PATL2: variants seen among roughly 807,000 people sequenced by gnomAD.
PATL2 encodes PAT1 homolog 2.
A neutral mutation model predicts 77.0 loss-of-function variants in PATL2; 73 were observed. That is an observed-to-expected ratio of 0.95 (90% CI 0.78 to 1.15). The LOEUF is 1.15. Among genes scored for constraint, PATL2 ranks in the 50% most tolerant of loss-of-function variants. The pLI, the probability that PATL2 is intolerant of heterozygous loss-of-function variation, is 0.00. For synonymous variants in PATL2, 265 were observed against 257.1 expected, an observed-to-expected ratio of 1.03 and a Z score of -0.29; for missense variants, 618 against 655.4, an observed-to-expected ratio of 0.94 and a Z score of 0.62.
At chr15:44,677,292 G>A (rs1481533736) in intron 3 of PATL2, among the ~76,000 whole-genome samples, 1 of 152,124 alleles carries the variant, frequency 6.6e-6, no homozygotes, top group Admixed American at 6.5e-5. Context: ...GCGCTTCAGG[G>A]CAGCGTACTT....
At chr15:44,667,357 G>A (rs2085428883) in intron 15 of PATL2, 154 bp from the exon 16 acceptor site, 1 of 619,378 alleles carries the variant, frequency 1.6e-6, no homozygotes, top group Non-Finnish European at 2.9e-6. Context: ...ACACTGGTGA[G>A]CCAAAGAACT....
At chr15:44,666,837 G>A (rs1342132142) in intron 16 of PATL2, 4 of 519,510 alleles carry the variant, frequency 7.7e-6, no homozygotes, top group Non-Finnish European at 1.4e-5. Flanking sequence ...AAGTTATATT[G>A]CTAGTAAGTG....
intron 3 of PATL2, among the ~76,000 whole-genome samples, chr15:44,692,289 A>G (rs1261627895): frequency 2.0e-5 from 3 of 152,094 alleles, no homozygotes; most frequent in East Asian, 1.9e-4. Context: ...ATCCTTACCT[A>G]TTGTCTGAAG....
At chr15:44,700,027 C>A (rs1451310173) in intron 3 of PATL2, among the ~76,000 whole-genome samples, 1 of 151,932 alleles carries the variant, frequency 6.6e-6, no homozygotes, top group East Asian at 1.9e-4. Context: ...TTTTCCATTT[C>A]TGTGAAGAAT....
intron 3 of PATL2, among the ~76,000 whole-genome samples, chr15:44,679,529 A>AT (rs537636772): frequency 1.4e-4 from 18 of 132,020 alleles, no homozygotes; most frequent in East Asian, 1.3e-3. Context: ...TGCCTGGCCA[A>AT]TTTTTTTTTT....
At chr15:44,699,906 T>C (rs2086592520) in intron 3 of PATL2, among the ~76,000 whole-genome samples, 3 of 152,160 alleles carry the variant, frequency 2.0e-5, no homozygotes, top group African/African-American at 4.8e-5. Context: ...ACTGCAGCTT[T>C]GTAGTATAAT....
intron 3 of PATL2, among the ~76,000 whole-genome samples, chr15:44,685,680 C>T (rs1255811387): frequency 6.6e-6 from 1 of 151,384 alleles, no homozygotes; most frequent in Admixed American, 6.6e-5. Context: ...TGTGCAAAGA[C>T]ACACATAGGT....
chr15:44,672,086 CCTT>C lies in PATL2; in HGVS notation c.583_585del (p.Lys195del). ...ACCATCTGCACTTTTATCACCCAGT[CCTT>C]CTCTTTTCTGGTCATGAGGTTAGCA... On this transcript the variant is annotated inframe_deletion, in exon 9 of 18. Coordinates refer to ENST00000682850, the MANE Select transcript of PATL2 (RefSeq NM_001387263.1). 6.4e-7 allele frequency: 1 copy of C among 1,551,688 alleles called. No individual in the cohort carries two copies. Among genetic ancestry groups the C allele is most frequent in the East Asian group, 2.4e-5 (1 of 40,924 alleles).
chr15:44,692,169 C>T (rs895459190), intron 3 of PATL2, among the ~76,000 whole-genome samples: 2 of 152,054 alleles, frequency 1.3e-5, no homozygotes, highest in Non-Finnish European at 1.5e-5. Context: ...TCTTTGTAAA[C>T]ATATATATTC....
In PATL2 at chr15:44,711,177, T is replaced by A. The variant is rs1422281727; in HGVS notation, c.-411A>T. 7 of 440,182 alleles carry A rather than the reference T, an allele frequency of 1.6e-5. No individual in the cohort carries two copies. The highest frequency in any genetic ancestry group is 2.5e-5 in the Non-Finnish European group (6 of 236,202). 27.3% of individuals were successfully genotyped at this position (440,182 alleles called of 1,614,324 possible). ...AGCAGTTAACTGGCTGGGGCACCAT[T>A]AGCAAGTCACTTAGCATCTCTGGGG... On this transcript the variant is annotated 5_prime_UTR_variant, in exon 1 of 18. Coordinates refer to ENST00000682850, the MANE Select transcript of PATL2 (RefSeq NM_001387263.1).
At chr15:44,677,707 G>A (rs548028241) in intron 3 of PATL2, among the ~76,000 whole-genome samples, 1 of 152,104 alleles carries the variant, frequency 6.6e-6, no homozygotes, top group South Asian at 2.1e-4. Context: ...ATGAAAGTTA[G>A]GACCCTCTTG....
In PATL2 at chr15:44,711,179, G is replaced by C. The variant is rs1169065950; in HGVS notation, c.-413C>G. ...CAGTTAACTGGCTGGGGCACCATTA[G>C]CAAGTCACTTAGCATCTCTGGGGCC... On this transcript the variant is annotated 5_prime_UTR_variant, in exon 1 of 18. Coordinates refer to ENST00000682850, the MANE Select transcript of PATL2 (RefSeq NM_001387263.1). 2.2e-6 allele frequency: 1 copy of C among 444,676 alleles called. No homozygotes were observed. The highest frequency in any genetic ancestry group is 4.2e-6 in the Non-Finnish European group (1 of 238,906). 27.5% of individuals were successfully genotyped at this position (444,676 alleles called of 1,614,324 possible).
At position 44,672,424 on chromosome 15, in the gene PATL2, C is replaced by A. The variant is rs1051190156; in HGVS notation, c.479G>T (p.Arg160Leu). The change falls in exon 8 of 18, where the codon CGA becomes CTA. Residue 160 changes from arginine to leucine, a missense_variant. By Grantham distance (102) the Arg-to-Leu change is moderately radical (BLOSUM62 -2). Transcript: ENST00000682850. ...ACTATGCTGCTGCTGCTGCAAGATT[C>A]GTTGGTGCCGAGGGTGGAGCTGGGT... ...HLTQLHPRHQ[R>L]ILQQQQHSQT... 2 of 1,551,674 alleles carry A rather than the reference C, an allele frequency of 1.3e-6. No homozygotes were observed. The highest frequency in any genetic ancestry group is 1.7e-6 in the Non-Finnish European group (2 of 1,146,992).
In PATL2 at chr15:44,669,818, G is replaced by C; in HGVS notation, c.835C>G (p.Arg279Gly). The stretch of plus-strand genomic sequence containing the variant: ...TGGGGTACCGCATCAATAGCTCGGC[G>C]AGGGCTGAAGCATGTCGACACAGCT... Reference protein sequence around the residue: ...QVAVSTCFSPRRAIDAVPHGT... With the variant: ...QVAVSTCFSPGRAIDAVPHGT... Residue 279 changes from arginine to glycine, a missense_variant, in exon 11 of 18, where the codon CGC becomes GGC. Coordinates refer to ENST00000682850, the MANE Select transcript of PATL2 (RefSeq NM_001387263.1). 1 of 1,551,626 alleles carries C rather than the reference G, an allele frequency of 6.4e-7. No homozygotes were observed. The highest frequency in any genetic ancestry group is 8.7e-7 in the Non-Finnish European group (1 of 1,146,990).
intron 3 of PATL2, among the ~76,000 whole-genome samples, chr15:44,678,349 C>A (rs1057135470): frequency 2.2e-4 from 33 of 152,168 alleles, no homozygotes; most frequent in African/African-American, 7.5e-4. Flanking sequence ...ACTTCTGGTA[C>A]TGACTAGTAC....
intron 3 of PATL2, among the ~76,000 whole-genome samples, chr15:44,693,760 T>C (rs1367762635): frequency 6.6e-6 from 1 of 152,040 alleles, no homozygotes; most frequent in Non-Finnish European, 1.5e-5. Context: ...TGGCGTGATC[T>C]TGGCTCACTG....
intron 3 of PATL2, among the ~76,000 whole-genome samples, chr15:44,679,655 G>C (rs1277758945): frequency 6.7e-6 from 1 of 150,348 alleles, no homozygotes; most frequent in Admixed American, 6.7e-5. Flanking sequence ...GGCCTCCAGA[G>C]TGCTAGGATT....
At position 44,711,184 on chromosome 15, in the gene PATL2, T is replaced by C. The variant is rs1480306632; in HGVS notation, c.-418A>G. 1 of 451,738 alleles carries C rather than the reference T, an allele frequency of 2.2e-6. No individual in the cohort carries two copies. The highest frequency in any genetic ancestry group is 4.1e-6 in the Non-Finnish European group (1 of 243,402). 28.0% of individuals were successfully genotyped at this position (451,738 alleles called of 1,614,324 possible). A position where few individuals can be genotyped will look rare whatever the true frequency, so the allele number is the denominator to read the frequency against. Reference sequence around the variant, plus strand: ...AACTGGCTGGGGCACCATTAGCAAGTCACTTAGCATCTCTGGGGCCAGTCT... The same window carrying C: ...AACTGGCTGGGGCACCATTAGCAAGCCACTTAGCATCTCTGGGGCCAGTCT... On this transcript the variant is annotated 5_prime_UTR_variant, in exon 1 of 18. Transcript: ENST00000682850.
chr15:44,706,295 A>G (rs1160066163), intron 3 of PATL2, among the ~76,000 whole-genome samples: 2 of 152,104 alleles, frequency 1.3e-5, no homozygotes, highest in Non-Finnish European at 2.9e-5. Flanking sequence ...CCTTCTTGGG[A>G]AGGCTTTCCA....
Sources: allele counts gnomAD v4.1 joint callset (sites outside exome capture counted in the v4.1 genomes callset), GRCh38; gene constraint gnomAD v4.1.1; transcripts MANE v1.5; gene names NCBI Gene and HGNC (gene_info 2026-07-23, HGNC 2026-07-21).